The following DPP10 variants were observed in gnomAD, a reference collection of about 807,000 sequenced individuals.
The protein encoded by DPP10 is inactive dipeptidyl peptidase 10.
DPP10 carries 33 observed loss-of-function variants against 120.9 expected under a neutral mutation model. That is an observed-to-expected ratio of 0.27 (90% CI 0.21 to 0.37). The LOEUF (loss-of-function observed/expected upper bound fraction) is 0.37. DPP10 is among the 10% of genes least tolerant of loss of function. The pLI is 1.00. For missense variants in DPP10, 816 were observed against 942.8 expected, an observed-to-expected ratio of 0.87 and a Z score of 1.76; for synonymous variants, 337 against 326.1, an observed-to-expected ratio of 1.03 and a Z score of -0.36.
At chr2:114,696,988 A>G (rs981657300) in intron 1 of DPP10, among the ~76,000 whole-genome samples, 14 of 152,124 alleles carry the variant, frequency 9.2e-5, no homozygotes, top group African/African-American at 3.4e-4. Context: ...GAAATAAAGT[A>G]TGAATCCAGA....
At chr2:114,471,040 G>T (rs528774067) in intron 1 of DPP10, among the ~76,000 whole-genome samples, 2 of 152,188 alleles carry the variant, frequency 1.3e-5, no homozygotes, top group African/African-American at 4.8e-5. Flanking sequence ...ATGAGACAAA[G>T]TAGAAAATGA....
At chr2:115,532,082 TTGTC>T (rs1210097422) in intron 5 of DPP10, among the ~76,000 whole-genome samples, 1 of 152,084 alleles carries the variant, frequency 6.6e-6, no homozygotes, top group Non-Finnish European at 1.5e-5. Context: ...TATAGATTAT[TTGTC>T]TGATCACTCT....
intron 10 of DPP10, chr2:115,749,933 T>C (rs1430043814): frequency 3.1e-6 from 3 of 962,918 alleles, no homozygotes; most frequent in Non-Finnish European, 3.7e-6. Context: ...ACCCAGCTGA[T>C]AGAAAGTCTG....
intron 1 of DPP10, among the ~76,000 whole-genome samples, chr2:114,722,444 A>G (rs1701756320): frequency 1.3e-5 from 2 of 152,044 alleles, no homozygotes; most frequent in Non-Finnish European, 2.9e-5. Flanking sequence ...TGATTGTTCA[A>G]TAGTTAGTAT....
intron 1 of DPP10, among the ~76,000 whole-genome samples, chr2:115,261,204 G>A (rs571181561): frequency 2.0e-5 from 3 of 152,270 alleles, no homozygotes; most frequent in South Asian, 2.1e-4. Context: ...CATGGAATCC[G>A]CCGGATCTAT....
intron 1 of DPP10, among the ~76,000 whole-genome samples, chr2:114,924,980 G>C (rs984130874): frequency 1.1e-4 from 17 of 151,378 alleles, no homozygotes; most frequent in East Asian, 3.9e-4. Flanking sequence ...GGGAGGCCGA[G>C]GGGGGCTAAT....
intron 1 of DPP10, among the ~76,000 whole-genome samples, chr2:115,077,289 A>T (rs1313420897): frequency 2.6e-5 from 4 of 152,170 alleles, no homozygotes; most frequent in African/African-American, 4.8e-5. Context: ...TGGCACTAAG[A>T]ATAATTATAA....
chr2:114,814,090 T>C (rs1277802864), intron 1 of DPP10, among the ~76,000 whole-genome samples: 7 of 152,172 alleles, frequency 4.6e-5, no homozygotes, highest in Admixed American at 4.6e-4. Flanking sequence ...CATCACCATT[T>C]TGGTAGACAC....
chr2:115,684,519 A>T (rs780585127), intron 5 of DPP10, among the ~76,000 whole-genome samples: 4 of 151,844 alleles, frequency 2.6e-5, no homozygotes, highest in Non-Finnish European at 2.9e-5. Context: ...TTGCTTTCTC[A>T]CAGTTCAGTT....
At chr2:115,336,860 G>T (rs551615392) in intron 2 of DPP10, among the ~76,000 whole-genome samples, 5 of 152,042 alleles carry the variant, frequency 3.3e-5, no homozygotes, top group African/African-American at 1.2e-4. Flanking sequence ...TCGTTGTTCA[G>T]TGTGAGTGAT....
chr2:114,734,896 G>A lies in DPP10; in HGVS notation c.60+292058G>A, dbSNP rs564128398. Reference sequence around the variant, plus strand: ...TTATTTTCTCAAAGTTCTGGATGTTGGAAGTCCAAGACCAAGGTGTTGGCA... The same window carrying A: ...TTATTTTCTCAAAGTTCTGGATGTTAGAAGTCCAAGACCAAGGTGTTGGCA... On this transcript the variant is annotated intron_variant, in intron 1 of 25. Coordinates refer to ENST00000410059, the MANE Select transcript of DPP10 (RefSeq NM_020868.6). Among the ~76,000 whole-genome samples, 8 of 152,152 alleles carry A rather than the reference G, an allele frequency of 5.3e-5. No individual in the cohort carries two copies. In the South Asian group the frequency reaches 1.7e-3, roughly 32 times the overall value.
chr2:115,676,348 T>G (rs957306812), intron 5 of DPP10, among the ~76,000 whole-genome samples: 3 of 152,064 alleles, frequency 2.0e-5, no homozygotes, highest in Non-Finnish European at 2.9e-5. Flanking sequence ...TTTATCCAAG[T>G]AAAACTGTAG....
intron 2 of DPP10, among the ~76,000 whole-genome samples, chr2:115,336,188 A>G (rs1253186083): frequency 1.3e-5 from 2 of 151,988 alleles, no homozygotes; most frequent in Admixed American, 1.3e-4. Context: ...CTCATTTCAA[A>G]GGCCATTTAA....
chr2:115,308,849 G>T (rs2061468458), intron 1 of DPP10, among the ~76,000 whole-genome samples: 1 of 151,938 alleles, frequency 6.6e-6, no homozygotes, highest in Non-Finnish European at 1.5e-5. Context: ...AGCCCGTAGT[G>T]CTTCAAGAAC....
intron 19 of DPP10, among the ~76,000 whole-genome samples, chr2:115,806,957 A>G (rs1376707815): frequency 6.6e-6 from 1 of 152,148 alleles, no homozygotes; most frequent in Non-Finnish European, 1.5e-5. Context: ...AAACTGAGAT[A>G]AATTCTCCTG....
intron 1 of DPP10, among the ~76,000 whole-genome samples, chr2:114,848,279 T>C (rs1199838012): frequency 3.9e-5 from 6 of 152,122 alleles, no homozygotes; most frequent in Admixed American, 3.3e-4. Flanking sequence ...GAGATCTGGA[T>C]TTGCTCTATA....
intron 5 of DPP10, among the ~76,000 whole-genome samples, chr2:115,635,278 C>T (rs557416686): frequency 2.0e-5 from 3 of 152,236 alleles, no homozygotes; most frequent in East Asian, 1.9e-4. Flanking sequence ...GCCGAGTAGC[C>T]GCTGAGAATC....
At chr2:114,919,036 C>A (rs1695010233) in intron 1 of DPP10, among the ~76,000 whole-genome samples, 5 of 124,842 alleles carry the variant, frequency 4.0e-5, no homozygotes, top group African/African-American at 8.8e-5. Flanking sequence ...AAAGAGATTC[C>A]AAAAAAAAAA....
chr2:115,338,432 AT>A (rs2063275318), intron 2 of DPP10, among the ~76,000 whole-genome samples: 1 of 152,076 alleles, frequency 6.6e-6, no homozygotes. Flanking sequence ...ATCATTCAAC[AT>A]TTTTTTAAAA....
Sources: allele counts gnomAD v4.1 joint callset (sites outside exome capture counted in the v4.1 genomes callset), GRCh38; gene constraint gnomAD v4.1.1; transcripts MANE v1.5; gene names NCBI Gene and HGNC (gene_info 2026-07-23, HGNC 2026-07-21).